DPY19L1: variants seen among roughly 807,000 people sequenced by gnomAD.
DPY19L1 encodes protein C-mannosyl-transferase DPY19L1.
DPY19L1 carries 35 observed loss-of-function variants against 96.9 expected under a neutral mutation model. That is an observed-to-expected ratio of 0.36 (90% CI 0.28 to 0.48). DPY19L1 has a LOEUF of 0.48. Ranked by LOEUF, DPY19L1 falls within the 20% of genes least tolerant of loss-of-function variation. The probability of loss-of-function intolerance (pLI) is 0.99; values close to 1 mark genes in which losing one functional copy is unlikely to be tolerated. For missense variants in DPY19L1, 521 were observed against 777.9 expected (o/e 0.67, Z 3.93); for synonymous variants, 205 against 252.6 (o/e 0.81, Z 1.79).
At chr7:34,998,145 T>C (rs956435249) in intron 6 of DPY19L1, among the ~76,000 whole-genome samples, 8 of 151,892 alleles carry the variant, frequency 5.3e-5, no homozygotes, top group Non-Finnish European at 1.2e-4. Context: ...GAACAGAAAA[T>C]TGGAAGATGA....
At chr7:35,027,388 A>T (rs1318298481) in intron 1 of DPY19L1, among the ~76,000 whole-genome samples, 1 of 152,078 alleles carries the variant, frequency 6.6e-6, no homozygotes, top group Non-Finnish European at 1.5e-5. Context: ...CTGCTCCCCG[A>T]ACTACAAAGC....
intron 8 of DPY19L1, among the ~76,000 whole-genome samples, chr7:34,972,859 A>G (rs1490552652): frequency 6.6e-6 from 1 of 152,206 alleles, no homozygotes; most frequent in East Asian, 1.9e-4. Context: ...ACACTACTAC[A>G]TAGGAGACTA....
At chr7:34,975,069 GA>G (rs1784804194) in intron 7 of DPY19L1, among the ~76,000 whole-genome samples, 1 of 151,948 alleles carries the variant, frequency 6.6e-6, no homozygotes, top group Admixed American at 6.6e-5. Context: ...AATTCCCTGA[GA>G]CACAATATTA....
chr7:35,023,780 C>G (rs1484380952), intron 1 of DPY19L1, among the ~76,000 whole-genome samples: 1 of 149,864 alleles, frequency 6.7e-6, no homozygotes, highest in East Asian at 1.9e-4. Context: ...ATTTAATGAC[C>G]TTGTCTTGTA....
chr7:34,955,747 G>A (rs1469205516), intron 11 of DPY19L1, among the ~76,000 whole-genome samples: 1 of 152,174 alleles, frequency 6.6e-6, no homozygotes, highest in South Asian at 2.1e-4. Flanking sequence ...AGGGTAAACA[G>A]CAAATGAAAT....
chr7:35,027,854 A>C (rs761949012), intron 1 of DPY19L1, among the ~76,000 whole-genome samples: 19 of 151,950 alleles, frequency 1.3e-4, no homozygotes, highest in South Asian at 6.2e-4. Flanking sequence ...ATAAATAAAT[A>C]AAAATAAAAT....
chr7:34,949,289 G>A (rs777976793), intron 14 of DPY19L1, among the ~76,000 whole-genome samples: 6 of 152,096 alleles, frequency 3.9e-5, no homozygotes, highest in Admixed American at 1.3e-4. Flanking sequence ...ATAACACGAC[G>A]AATGAGAGTT....
chr7:34,950,844 T>C (rs1784253684), intron 13 of DPY19L1, among the ~76,000 whole-genome samples: 1 of 152,070 alleles, frequency 6.6e-6, no homozygotes, highest in Admixed American at 6.6e-5. Flanking sequence ...AATTACCATA[T>C]ATGTAAAGAG....
chr7:34,981,686 C>T (rs1784943859), intron 7 of DPY19L1, among the ~76,000 whole-genome samples: 1 of 152,216 alleles, frequency 6.6e-6, no homozygotes, highest in Admixed American at 6.5e-5. Flanking sequence ...CGTGGTGGCT[C>T]ATGCCTGTAA....
At chr7:35,002,131 A>G (rs950799176) in intron 6 of DPY19L1, among the ~76,000 whole-genome samples, 7 of 151,190 alleles carry the variant, frequency 4.6e-5, no homozygotes, top group African/African-American at 1.7e-4. Context: ...AGCTCAAAAA[A>G]AAAAAAAAAA....
chr7:34,940,253 T>C lies in DPY19L1; in HGVS notation c.1764A>G (p.Gln588=). 1.2e-6 allele frequency: 2 copies of C among 1,612,684 alleles called. No individual in the cohort carries two copies. The highest frequency in any genetic ancestry group is 1.7e-6 in the Non-Finnish European group (2 of 1,179,852). ...ACTGGGTTTGCAGATTTGCTGAACC[T>C]TGTATTGACATTGCTGCTAATATAG... ...VFAILAAMSI[Q]GSANLQTQWN... is the part of the protein sequence containing the mutation. The change falls in exon 19 of 22, where the codon CAA becomes CAG. Residue 588 remains glutamine (Q), a synonymous_variant. Transcript: ENST00000638088.
At chr7:34,952,844 T>C (rs1229096776) in intron 13 of DPY19L1, among the ~76,000 whole-genome samples, 1 of 152,014 alleles carries the variant, frequency 6.6e-6, no homozygotes, top group Non-Finnish European at 1.5e-5. Flanking sequence ...TCATATCAGG[T>C]TCTAGAGATT....
At chr7:34,946,936 A>C (rs1784160363) in intron 15 of DPY19L1, among the ~76,000 whole-genome samples, 1 of 152,276 alleles carries the variant, frequency 6.6e-6, no homozygotes, top group African/African-American at 2.4e-5. Context: ...ATAATACAGA[A>C]TATTCTACAA....
At chr7:34,963,399 C>T (rs1240871887) in intron 10 of DPY19L1, among the ~76,000 whole-genome samples, 1 of 152,096 alleles carries the variant, frequency 6.6e-6, no homozygotes, top group African/African-American at 2.4e-5. Context: ...GTAAAATGTA[C>T]CGCTACTATG....
intron 17 of DPY19L1, among the ~76,000 whole-genome samples, chr7:34,942,141 T>C (rs1348914348): frequency 1.3e-5 from 2 of 152,190 alleles, no homozygotes; most frequent in African/African-American, 4.8e-5. Context: ...GCCCACATTT[T>C]TTAATCAACC....
At chr7:35,037,794 C>T, upstream of DPY19L1, 4 of 1,211,904 alleles carry the variant, frequency 3.3e-6, no homozygotes, top group Non-Finnish European at 4.1e-6. Context: ...GGGCCCGACC[C>T]CTCTGGCGCC....
intron 8 of DPY19L1, among the ~76,000 whole-genome samples, chr7:34,973,209 C>A (rs1459619183): frequency 6.6e-6 from 1 of 152,082 alleles, no homozygotes; most frequent in Non-Finnish European, 1.5e-5. Flanking sequence ...TCTTTCTGCT[C>A]ATTTTCAAGA....
intron 21 of DPY19L1, among the ~76,000 whole-genome samples, chr7:34,934,012 G>A (rs1462697434): frequency 6.6e-6 from 1 of 152,096 alleles, no homozygotes; most frequent in Non-Finnish European, 1.5e-5. Flanking sequence ...CGCCCAGGCT[G>A]GAGTGCAGTG....
At chr7:34,942,550 G>A in intron 17 of DPY19L1, 65 bp downstream of exon 17, 2 of 1,312,230 alleles carry the variant, frequency 1.5e-6, no homozygotes, top group Non-Finnish European at 2.2e-6. Flanking sequence ...ACTGGAACTA[G>A]AAAGGAAAGT....
Sources: gnomAD v4.1 joint callset for allele counts (sites outside exome capture counted in the v4.1 genomes callset) on GRCh38, gnomAD v4.1.1 for gene constraint, MANE v1.5 for transcripts, NCBI Gene and HGNC (gene_info 2026-07-23, HGNC 2026-07-21) for gene names.